Variants in SYT9 observed in about 807,000 individuals in gnomAD.
SYT9 encodes the protein synaptotagmin 9.
A neutral mutation model predicts 48.4 loss-of-function variants in SYT9; 22 were observed. That is an observed-to-expected ratio of 0.45 (90% confidence interval 0.32 to 0.65). The LOEUF is 0.65. Among genes scored for constraint, SYT9 ranks in the 30% least tolerant of loss-of-function variants. SYT9 has a pLI of 0.03. For synonymous variants in SYT9, 265 were observed against 245.0 expected (o/e 1.08, Z -0.76); for missense variants, 577 against 622.0 (o/e 0.93, Z 0.77).
intron 1 of SYT9, among the ~76,000 whole-genome samples, chr11:7,277,088 A>G (rs1375252335): frequency 6.6e-6 from 1 of 150,390 alleles, no homozygotes. Flanking sequence ...ACAAACAAAC[A>G]TTATCTGCCA....
At chr11:7,387,859 A>C (rs922312907) in intron 3 of SYT9, among the ~76,000 whole-genome samples, 1 of 152,174 alleles carries the variant, frequency 6.6e-6, no homozygotes, top group African/African-American at 2.4e-5. Flanking sequence ...GTAAACGTGA[A>C]AACATGTATG....
At chr11:7,351,146 G>C (rs570659554) in intron 3 of SYT9, among the ~76,000 whole-genome samples, 174 of 152,268 alleles carry the variant, frequency 1.1e-3, no homozygotes, top group African/African-American at 3.9e-3. Context: ...AAAAGATGAA[G>C]TGGTATATAT....
intron 3 of SYT9, among the ~76,000 whole-genome samples, chr11:7,345,719 G>A (rs1361052079): frequency 6.6e-6 from 1 of 152,178 alleles, no homozygotes; most frequent in Non-Finnish European, 1.5e-5. Context: ...TCAGAAGCAG[G>A]GCCTGAGTTG....
chr11:7,415,992 C>T, intron 3 of SYT9, 50 bp from the exon 4 acceptor site: 10 of 1,612,292 alleles, frequency 6.2e-6, no homozygotes, highest in Non-Finnish European at 8.5e-6. Flanking sequence ...GCCTCTTGCA[C>T]ACCAGGCTGG....
At chr11:7,453,972 A>G in intron 6 of SYT9, 1 of 985,124 alleles carries the variant, frequency 1.0e-6, no homozygotes, top group Non-Finnish European at 1.2e-6. Flanking sequence ...TTCAGCAGGC[A>G]CCCTCTGTGG....
rs189387616 is a variant in SYT9, at chr11:7,255,298, G to A, written c.145+2967G>A. ...GAAATGGTGACTTCAGAGGTGGCTG[G>A]AGAGGTGTGAAACAGATGGAGAGTG... On this transcript the variant is annotated intron_variant, in intron 1 of 6. Coordinates refer to ENST00000318881, the MANE Select transcript of SYT9 (RefSeq NM_175733.4). Among the ~76,000 whole-genome samples the A allele has an allele frequency of 6.8e-5, 10 of 146,764 alleles. No homozygotes were observed. In the East Asian group the frequency reaches 2.0e-3, roughly 29 times the overall value.
rs1846883510 is a variant in SYT9, at chr11:7,401,138, T to A, written c.1045-14904T>A. Among the ~76,000 whole-genome samples the A allele has an allele frequency of 9.2e-5, 14 of 152,136 alleles. No individual in the cohort carries two copies. The South Asian group carries it at 2.9e-3, about 32-fold the overall frequency. On this transcript the variant is annotated intron_variant, in intron 3 of 6. Transcript: ENST00000318881. ...CACAGGAATATCTGAGGTAATGACA[T>A]CTTTGCTTTCTCATGGTTCAATGTA...
Position 7,273,492 on chromosome 11 carries a change from T to C in SYT9, c.145+21161T>C, listed in dbSNP as rs565696875. ...AGTTAAAGTGCGAGAGAGAACCCAG[T>C]ATTTATTTCTTCTGAAGGCAATTAG... On this transcript the variant is annotated intron_variant, in intron 1 of 6. Transcript: ENST00000318881. Among the ~76,000 whole-genome samples the C allele has an allele frequency of 6.7e-4, 102 of 152,324 alleles. 1 individual carries two copies. Among genetic ancestry groups the C allele is most frequent in the African/African-American group, 2.3e-3 (97 of 41,578 alleles).
intron 3 of SYT9, among the ~76,000 whole-genome samples, chr11:7,385,658 TA>T (rs1161660584): frequency 2.6e-5 from 4 of 151,992 alleles, no homozygotes; most frequent in African/African-American, 4.8e-5. Context: ...AAAAAAAGTT[TA>T]AAAAAATCAA....
intron 1 of SYT9, among the ~76,000 whole-genome samples, chr11:7,239,212 G>A (rs1177877445): frequency 6.6e-6 from 1 of 152,112 alleles, no homozygotes; most frequent in East Asian, 1.9e-4. Context: ...AAATAATATG[G>A]AATGAAGTAG....
intron 3 of SYT9, among the ~76,000 whole-genome samples, chr11:7,321,793 A>T (rs1213861733): frequency 6.6e-6 from 1 of 152,216 alleles, no homozygotes; most frequent in Non-Finnish European, 1.5e-5. Flanking sequence ...GGGGTGGGTT[A>T]TTTAGGACTT....
intron 2 of SYT9, among the ~76,000 whole-genome samples, chr11:7,304,924 G>A (rs1482204010): frequency 6.6e-6 from 1 of 152,106 alleles, no homozygotes; most frequent in African/African-American, 2.4e-5. Flanking sequence ...GTTCTACTCT[G>A]CATGTAACTT....
At chr11:7,392,006 G>A (rs747271950) in intron 3 of SYT9, among the ~76,000 whole-genome samples, 13 of 151,760 alleles carry the variant, frequency 8.6e-5, no homozygotes, top group Non-Finnish European at 1.8e-4. Context: ...TATAGATTCT[G>A]TATATTAGTC....
chr11:7,314,258 G>T, intron 3 of SYT9: 1 of 476,844 alleles, frequency 2.1e-6, no homozygotes, highest in Non-Finnish European at 4.1e-6. Context: ...AGCTTTTTCA[G>T]GTTGTTTGTG....
intron 1 of SYT9, among the ~76,000 whole-genome samples, chr11:7,257,443 T>A (rs1043918636): frequency 1.1e-4 from 17 of 152,118 alleles, no homozygotes; most frequent in Non-Finnish European, 1.0e-4. Context: ...GGTCAGAATA[T>A]AGAACCTTCA....
intron 1 of SYT9, among the ~76,000 whole-genome samples, chr11:7,294,548 C>T (rs1848757421): frequency 6.6e-6 from 1 of 152,180 alleles, no homozygotes; most frequent in Admixed American, 6.5e-5. Context: ...CATTTCCATT[C>T]CAAAATGGAG....
chr11:7,243,417 A>G (rs754452232), intron 1 of SYT9, among the ~76,000 whole-genome samples: 3 of 152,174 alleles, frequency 2.0e-5, no homozygotes, highest in Non-Finnish European at 4.4e-5. Flanking sequence ...TGGTTTTTCT[A>G]TGGTCTCTGA....
At chr11:7,408,583 T>G (rs527998293) in intron 3 of SYT9, among the ~76,000 whole-genome samples, 13 of 152,230 alleles carry the variant, frequency 8.5e-5, no homozygotes, top group Non-Finnish European at 1.9e-4. Context: ...CTTAGGTATT[T>G]TTTGTAGCTA....
chr11:7,341,109 G>A (rs1256960056), intron 3 of SYT9, among the ~76,000 whole-genome samples: 2 of 152,174 alleles, frequency 1.3e-5, no homozygotes, highest in African/African-American at 4.8e-5. Context: ...CCTTGGCTGG[G>A]AGATTCTACC....
Sources: gnomAD v4.1 joint callset for allele counts (sites outside exome capture counted in the v4.1 genomes callset) on GRCh38, gnomAD v4.1.1 for gene constraint, MANE v1.5 for transcripts, NCBI Gene and HGNC (gene_info 2026-07-23, HGNC 2026-07-21) for gene names.